Variants in ADAMTSL2 observed in about 807,000 individuals in gnomAD.
The protein encoded by ADAMTSL2 is ADAMTS-like protein 2.
A neutral mutation model predicts 117.0 loss-of-function variants in ADAMTSL2; 55 were observed. That is an observed-to-expected ratio of 0.47 (90% CI 0.38 to 0.59). The LOEUF is 0.59. Ranked by LOEUF, ADAMTSL2 falls within the 20% of genes least tolerant of loss-of-function variation. The pLI is 0.00. For missense variants in ADAMTSL2, 1,182 were observed against 1,354.5 expected (o/e 0.87, Z 2.00); for synonymous variants, 572 against 566.4 (o/e 1.01, Z -0.14).
At chr9:133,568,891 C>G (rs1831040055) in intron 15 of ADAMTSL2, 133 bp downstream of exon 15, 2 of 1,212,096 alleles carry the variant, frequency 1.7e-6, no homozygotes, top group African/African-American at 1.5e-5. Flanking sequence ...CAGCCTTCTC[C>G]CATGTTATTA....
chr9:133,562,531 G>A (rs1461287473), intron 12 of ADAMTSL2, among the ~76,000 whole-genome samples: 3 of 120,462 alleles, frequency 2.5e-5, no homozygotes, highest in African/African-American at 6.5e-5. Flanking sequence ...CGGGCACCCG[G>A]CTGGGCCCGG....
chr9:133,575,298 T>G lies in ADAMTSL2; in HGVS notation c.*434T>G. The G allele has an allele frequency of 4.3e-6, 1 of 231,542 alleles. No homozygotes were observed. Among genetic ancestry groups the G allele is most frequent in the South Asian group, 6.1e-5 (1 of 16,452 alleles). 14.3% of individuals were successfully genotyped at this position (231,542 alleles called of 1,614,324 possible). A position where few individuals can be genotyped will look rare whatever the true frequency, so the allele number is the denominator to read the frequency against. ...AGCCCAACGTGGTGGGGGGCCTTCC[T>G]CCCTCAGAGGCCATGGGGTGAGAGG... is the stretch of plus-strand genomic sequence containing the variant. On this transcript the variant is annotated 3_prime_UTR_variant, in exon 19 of 19. Transcript: ENST00000651351.
intron 7 of ADAMTSL2, among the ~76,000 whole-genome samples, chr9:133,543,883 G>A (rs954245601): frequency 6.6e-6 from 1 of 152,170 alleles, no homozygotes; most frequent in Non-Finnish European, 1.5e-5. Context: ...GGCTGCCTCC[G>A]CACGGGCCTG....
chr9:133,549,638 G>A (rs995687420), intron 9 of ADAMTSL2, among the ~76,000 whole-genome samples: 1 of 73,666 alleles, frequency 1.4e-5, no homozygotes, highest in Non-Finnish European at 3.3e-5. Flanking sequence ...TCCTGCCTCA[G>A]CCTCTCATAG....
Position 133,538,503 on chromosome 9 carries a change from CT to C in ADAMTSL2, c.309+80del. 2.0e-6 allele frequency: 3 copies of C among 1,528,292 alleles called. No homozygotes were observed. The East Asian group carries it at 6.8e-5, about 35-fold the overall frequency. 94.7% of individuals were successfully genotyped at this position (1,528,292 alleles called of 1,614,324 possible). ...AGTTTTCAGGGGGTCTTCCAGGTGGCTCCTGGGCATTCTGGGCATTCTGTTG... is the reference window on the plus strand; with the variant it reads ...AGTTTTCAGGGGGTCTTCCAGGTGGCCCTGGGCATTCTGGGCATTCTGTTG... On this transcript the variant is annotated intron_variant, in intron 4 of 18. Transcript: ENST00000651351.
chr9:133,543,368 A>G (rs1279293736), intron 7 of ADAMTSL2, among the ~76,000 whole-genome samples: 1 of 152,220 alleles, frequency 6.6e-6, no homozygotes. Flanking sequence ...AAACCCAAAG[A>G]AGGGGAAAAA....
chr9:133,535,046 G>C, intron 1 of ADAMTSL2, 129 bp downstream of exon 1: 1 of 1,284,826 alleles, frequency 7.8e-7, no homozygotes, highest in Non-Finnish European at 9.8e-7. Flanking sequence ...GGAGGCTTGT[G>C]GGGAGGGGTC....
At chr9:133,542,075 T>C (rs1342677609) in intron 7 of ADAMTSL2, among the ~76,000 whole-genome samples, 2 of 152,176 alleles carry the variant, frequency 1.3e-5, no homozygotes, top group Non-Finnish European at 2.9e-5. Context: ...GAACCAGGCC[T>C]GTTAGGGCCA....
chr9:133,546,946 G>T, intron 8 of ADAMTSL2, 92 bp from the exon 9 acceptor site: 2 of 1,325,746 alleles, frequency 1.5e-6, no homozygotes, highest in East Asian at 4.6e-5. Context: ...GGGTTCTGGA[G>T]GGCAGGGCTG....
intron 15 of ADAMTSL2, 106 bp from the exon 16 acceptor site, chr9:133,569,302 C>CTA: frequency 1.7e-6 from 2 of 1,196,986 alleles, no homozygotes; most frequent in Non-Finnish European, 2.4e-6. Flanking sequence ...GCAACCGCTT[C>CTA]GACACTGCCT....
intron 8 of ADAMTSL2, 26 bp downstream of exon 8, chr9:133,544,576 C>T (rs1270156785): frequency 6.3e-7 from 1 of 1,595,234 alleles, no homozygotes; most frequent in Admixed American, 1.7e-5. Flanking sequence ...CTGGCAGCTG[C>T]CTCACTGAGC....
In ADAMTSL2 at chr9:133,555,698, A is replaced by G. The variant is rs1440884639; in HGVS notation, c.1417A>G (p.Thr473Ala). Residue 473 changes from threonine to alanine, a missense_variant, in exon 11 of 19, where the codon ACC (threonine) becomes GCC (alanine). Physicochemically the swap from Thr to Ala is moderately conservative, Grantham distance 58. This residue lies in a region of ADAMTSL2 where 345 missense variants were observed against 325.8 expected (regional missense o/e 1.06). Coordinates refer to ENST00000651351, the MANE Select transcript of ADAMTSL2 (RefSeq NM_014694.4). ...LGAGSDLKDF[T>A]LNETVNSIFA... ...CGCAGGCTCTGACTTGAAGGACTTCACCCTCAATGAGACTGTGAACAGCAT... is the reference window on the plus strand; with the variant it reads ...CGCAGGCTCTGACTTGAAGGACTTCGCCCTCAATGAGACTGTGAACAGCAT... 5 of 1,613,726 alleles carry G rather than the reference A, an allele frequency of 3.1e-6. No individual in the cohort carries two copies. Among genetic ancestry groups the G allele is most frequent in the Non-Finnish European group, 4.2e-6 (5 of 1,180,022 alleles).
At chr9:133,542,261 G>A (rs376785521) in intron 7 of ADAMTSL2, among the ~76,000 whole-genome samples, 3 of 152,238 alleles carry the variant, frequency 2.0e-5, no homozygotes, top group African/African-American at 7.2e-5. Flanking sequence ...ACAGGCAGGG[G>A]TGTGAATAAT....
chr9:133,559,939 TG>T (rs1830689363), intron 11 of ADAMTSL2, among the ~76,000 whole-genome samples: 1 of 152,206 alleles, frequency 6.6e-6, no homozygotes. Context: ...GGGCCTCAGA[TG>T]TGTGGTCAAG....
At chr9:133,569,849 C>T (rs983166869) in intron 16 of ADAMTSL2, among the ~76,000 whole-genome samples, 6 of 152,326 alleles carry the variant, frequency 3.9e-5, no homozygotes, top group South Asian at 2.1e-4. Context: ...GTCCCTGGGA[C>T]GCAGAAAGCT....
At chr9:133,539,591 C>T (rs1416859865) in intron 4 of ADAMTSL2, among the ~76,000 whole-genome samples, 180 bp from the exon 5 acceptor site, 1 of 79,708 alleles carries the variant, frequency 1.3e-5, no homozygotes, top group Non-Finnish European at 2.8e-5. Context: ...CTTGCTCCCT[C>T]CTGAGAGCGC....
At chr9:133,563,531 A>G (rs1830798313) in intron 12 of ADAMTSL2, among the ~76,000 whole-genome samples, 2 of 152,072 alleles carry the variant, frequency 1.3e-5, no homozygotes, top group Non-Finnish European at 1.5e-5. Context: ...GTCGCTCGAG[A>G]CGTCTGCAGG....
At position 133,573,950 on chromosome 9, in the gene ADAMTSL2, G is replaced by T; in HGVS notation, c.2700G>T (p.Gln900His). The stretch of plus-strand genomic sequence containing the variant: ...CGTTGGTGAAGCCCGTTGGCAGACA[G>T]GCCTGTGATCTGCAGCCCTGCCCCA... ...CDPLVKPVGR[Q>H]ACDLQPCPTE... The change falls in exon 18 of 19, where the codon CAG becomes CAT. Residue 900 changes from glutamine (Q) to histidine (H), a missense_variant. Physicochemically the swap from Gln to His is conservative, Grantham distance 24. This residue lies in a region of ADAMTSL2 where 465 missense variants were observed against 565.3 expected (regional missense o/e 0.82). Transcript: ENST00000651351. The T allele has an allele frequency of 6.2e-7, 1 of 1,614,028 alleles. No individual in the cohort carries two copies. The highest frequency in any genetic ancestry group is 8.5e-7 in the Non-Finnish European group (1 of 1,180,012).
rs1314240089 is a variant in ADAMTSL2, at chr9:133,555,444, C to T, written c.1277-114C>T. 4.3e-6 allele frequency: 6 copies of T among 1,380,646 alleles called. No individual in the cohort carries two copies. The Admixed American group carries it at 9.4e-5, about 22-fold the overall frequency. 85.5% of individuals were successfully genotyped at this position (1,380,646 alleles called of 1,614,324 possible). A position where few individuals can be genotyped will look rare whatever the true frequency, so the allele number is the denominator to read the frequency against. On this transcript the variant is annotated intron_variant, in intron 10 of 18. Transcript: ENST00000651351. ...TAGGCAGAAGCCCTCCTTCTGGGAG[C>T]TTCTTGGTTCAGCTTGGTGTTTCTG...
Sources: gnomAD v4.1 joint callset for allele counts (sites outside exome capture counted in the v4.1 genomes callset) on GRCh38, gnomAD v4.1.1 for gene constraint, gnomAD v4.1.1 regional missense constraint, MANE v1.5 for transcripts, NCBI Gene and HGNC (gene_info 2026-07-23, HGNC 2026-07-21) for gene names.